Variants in ATP8B1 observed in about 807,000 individuals in gnomAD.
The protein encoded by ATP8B1 is phospholipid-transporting ATPase IC.
In ATP8B1, 80 loss-of-function variants were observed where a neutral mutation model predicts 149.9. The observed-to-expected ratio is 0.53, with a 90% CI of 0.45 to 0.64. ATP8B1 has a LOEUF of 0.64. ATP8B1 is among the 30% of genes least tolerant of loss of function. The pLI is 0.00. For missense variants in ATP8B1, 1,247 were observed against 1,552.6 expected (o/e 0.80, Z 3.31); for synonymous variants, 536 against 562.8 (o/e 0.95, Z 0.67).
At chr18:57,793,648 C>G (rs2080484172) in intron 1 of ATP8B1, among the ~76,000 whole-genome samples, 1 of 152,076 alleles carries the variant, frequency 6.6e-6, no homozygotes, top group South Asian at 2.1e-4. Context: ...GCTAGATAAG[C>G]CAAGCACTCT....
At chr18:57,667,950 C>A (rs1910979067) in intron 19 of ATP8B1, 1 of 643,640 alleles carries the variant, frequency 1.6e-6, no homozygotes, top group South Asian at 2.2e-5. Context: ...GTATCAATAC[C>A]AAACAAGTGC....
intron 1 of ATP8B1, among the ~76,000 whole-genome samples, chr18:57,754,443 A>T (rs2080057684): frequency 1.6e-5 from 1 of 60,926 alleles, no homozygotes; most frequent in African/African-American, 7.6e-5. Flanking sequence ...GTCTAACAAA[A>T]AAATATATAT....
At chr18:57,786,309 C>A (rs545699835) in intron 1 of ATP8B1, among the ~76,000 whole-genome samples, 5 of 152,302 alleles carry the variant, frequency 3.3e-5, no homozygotes, top group Non-Finnish European at 5.9e-5. Context: ...GGAATCCTAA[C>A]ACACCTTTGC....
intron 1 of ATP8B1, among the ~76,000 whole-genome samples, chr18:57,751,095 C>T (rs2080013570): frequency 6.6e-6 from 1 of 151,882 alleles, no homozygotes; most frequent in East Asian, 1.9e-4. Flanking sequence ...TGGACCCCAG[C>T]CTGGGTAACA....
Position 57,688,342 on chromosome 18 carries a change from A to G in ATP8B1, c.1386T>C (p.Asn462=). Residue 462 remains asparagine, a synonymous_variant, in exon 13 of 28, where the codon AAT becomes AAC. Coordinates refer to ENST00000648908, the MANE Select transcript of ATP8B1 (RefSeq NM_001374385.1). ...TACAGCACTTTTTAAAGGTCATGAT[A>G]TTTTGTGTGAGTGTCCCCGTCTTAT... ...FSDKTGTLTQ[N]IMTFKKCCIN... is the part of the protein sequence containing the mutation. The G allele has an allele frequency of 1.2e-6, 2 of 1,614,112 alleles. No homozygotes were observed. The highest frequency in any genetic ancestry group is 1.7e-6 in the Non-Finnish European group (2 of 1,180,034).
rs187993447 is a variant in ATP8B1 at position 57,647,985 on chromosome 18, C to A, written c.*503G>T. ...GACAGGCATGAGCCACCATGCCCGG[C>A]CTATTTTTAAATTTTTCTTAAGACA... On this transcript the variant is annotated 3_prime_UTR_variant, in exon 28 of 28. Coordinates refer to ENST00000648908, the MANE Select transcript of ATP8B1 (RefSeq NM_001374385.1). 7.5e-4 allele frequency: 165 copies of A among 219,400 alleles called. No individual in the cohort carries two copies. Among genetic ancestry groups the A allele is most frequent in the Admixed American group, 2.1e-3 (39 of 18,994 alleles). The allele number at this position is 219,400 out of a possible 1,614,324, so 13.6% of individuals were successfully genotyped here.
chr18:57,668,667 G>A, intron 18 of ATP8B1, 127 bp from the exon 19 acceptor site: 1 of 640,104 alleles, frequency 1.6e-6, no homozygotes, highest in Non-Finnish European at 2.7e-6. Context: ...CTCTCCTGGG[G>A]CCAATGGCCA....
rs1386027161 is a variant in ATP8B1 at position 57,778,294 on chromosome 18, C to T, written c.-26+24704G>A. Among the ~76,000 whole-genome samples, 5 of 148,490 alleles carry T rather than the reference C, an allele frequency of 3.4e-5. No homozygotes were observed. The East Asian group carries it at 9.8e-4, about 29-fold the overall frequency. On this transcript the variant is annotated intron_variant, in intron 1 of 27. Coordinates refer to ENST00000648908, the MANE Select transcript of ATP8B1 (RefSeq NM_001374385.1). Reference sequence around the variant, plus strand: ...AGGCTGGAGTGCAGTGGTGCGATCTCGGCTCACTGCAAGCTCCGCCTTCCA... The same window carrying T: ...AGGCTGGAGTGCAGTGGTGCGATCTTGGCTCACTGCAAGCTCCGCCTTCCA...
intron 12 of ATP8B1, among the ~76,000 whole-genome samples, chr18:57,689,998 A>G (rs1185807992): frequency 1.3e-5 from 2 of 152,218 alleles, no homozygotes; most frequent in African/African-American, 4.8e-5. Flanking sequence ...CCTGGGAAAC[A>G]GAGCAAGACT....
chr18:57,796,126 C>T (rs2080513003), intron 1 of ATP8B1, among the ~76,000 whole-genome samples: 2 of 152,154 alleles, frequency 1.3e-5, no homozygotes. Flanking sequence ...TGAGATCGCA[C>T]CACTGCATTC....
At chr18:57,676,255 A>G (rs1911578335) in intron 15 of ATP8B1, among the ~76,000 whole-genome samples, 1 of 151,996 alleles carries the variant, frequency 6.6e-6, no homozygotes, top group South Asian at 2.1e-4. Flanking sequence ...TGATCGCTTC[A>G]GGCGCAAGTG....
intron 1 of ATP8B1, among the ~76,000 whole-genome samples, chr18:57,748,099 G>T (rs183462407): frequency 3.3e-5 from 5 of 152,240 alleles, no homozygotes; most frequent in Non-Finnish European, 7.4e-5. Flanking sequence ...AAGCACCCAT[G>T]GTAAGACTTC....
intron 1 of ATP8B1, among the ~76,000 whole-genome samples, chr18:57,797,703 CTTT>C (rs59261353): frequency 3.1e-5 from 3 of 96,288 alleles, no homozygotes; most frequent in Non-Finnish European, 3.9e-5. Context: ...TTCTTTCTTT[CTTT>C]TTTTTTTTTT....
intron 1 of ATP8B1, among the ~76,000 whole-genome samples, chr18:57,770,033 C>T (rs2080250987): frequency 6.6e-6 from 1 of 150,952 alleles, no homozygotes; most frequent in African/African-American, 2.4e-5. Context: ...GCATCCTGCT[C>T]ATAAAACCCT....
chr18:57,696,926 T>A (rs1309914059), intron 8 of ATP8B1, among the ~76,000 whole-genome samples: 4 of 152,220 alleles, frequency 2.6e-5, no homozygotes, highest in Non-Finnish European at 4.4e-5. Flanking sequence ...CTCTTTTAAA[T>A]GATAGCATAG....
intron 1 of ATP8B1, among the ~76,000 whole-genome samples, chr18:57,797,927 A>ATTC (rs1192055199): frequency 6.6e-6 from 1 of 151,770 alleles, no homozygotes; most frequent in Non-Finnish European, 1.5e-5. Context: ...GCTGGTCTTG[A>ATTC]ACTCCTGATC....
chr18:57,655,768 C>T (rs957143942), intron 22 of ATP8B1, among the ~76,000 whole-genome samples: 3 of 152,214 alleles, frequency 2.0e-5, no homozygotes, highest in African/African-American at 7.2e-5. Context: ...GCCTCTTTGG[C>T]AACAGCTGTG....
At chr18:57,680,688 CCCCCTTTAAATGATTTGCCAA>C (rs1911919983) in intron 15 of ATP8B1, among the ~76,000 whole-genome samples, 1 of 54,610 alleles carries the variant, frequency 1.8e-5, no homozygotes, top group Admixed American at 2.8e-4. Flanking sequence ...AATCCTCTCA[CCCCCTTTAAATGATTTGCCAA>C]GTGTCTCCCA....
intron 4 of ATP8B1, 97 bp from the exon 5 acceptor site, chr18:57,701,410 A>T: frequency 1.0e-6 from 1 of 1,000,078 alleles, no homozygotes; most frequent in South Asian, 1.4e-5. Flanking sequence ...TCCAAGTCTC[A>T]TCACCGTCAT....
Sources: gnomAD v4.1 joint callset for allele counts (sites outside exome capture counted in the v4.1 genomes callset) on GRCh38, gnomAD v4.1.1 for gene constraint, MANE v1.5 for transcripts, NCBI Gene and HGNC (gene_info 2026-07-23, HGNC 2026-07-21) for gene names.